The following GAS2 variants were observed in gnomAD, a reference collection of about 807,000 sequenced individuals.
The protein encoded by GAS2 is growth arrest-specific protein 2.
A neutral mutation model predicts 37.5 loss-of-function variants in GAS2; 20 were observed. That is an observed-to-expected ratio of 0.53 (90% CI 0.37 to 0.77). The LOEUF (loss-of-function observed/expected upper bound fraction) is 0.77. GAS2 is among the 30% of genes least tolerant of loss of function. The pLI is 0.00. For missense variants in GAS2, 336 were observed against 373.4 expected (o/e 0.90, Z 0.82); for synonymous variants, 144 against 132.2 (o/e 1.09, Z -0.61).
intron 7 of GAS2, among the ~76,000 whole-genome samples, chr11:22,785,375 T>A (rs1323559603): frequency 6.6e-6 from 1 of 152,156 alleles, no homozygotes; most frequent in Non-Finnish European, 1.5e-5. Context: ...TGTTGCATTG[T>A]CCTCATTGGA....
intron 7 of GAS2, among the ~76,000 whole-genome samples, chr11:22,798,070 C>T (rs1219564499): frequency 1.3e-5 from 2 of 152,000 alleles, no homozygotes; most frequent in African/African-American, 4.8e-5. Context: ...ATCTGAACTT[C>T]GTTGCTTCTT....
chr11:22,787,674 A>T (rs1855883793), intron 7 of GAS2, among the ~76,000 whole-genome samples: 1 of 152,226 alleles, frequency 6.6e-6, no homozygotes, highest in Admixed American at 6.5e-5. Context: ...GGGGAAAAAC[A>T]CGTTTGCTTC....
At chr11:22,758,134 T>C (rs1326115753) in intron 7 of GAS2, among the ~76,000 whole-genome samples, 2 of 152,144 alleles carry the variant, frequency 1.3e-5, no homozygotes, top group Non-Finnish European at 2.9e-5. Flanking sequence ...AAAAATCTCA[T>C]AGGTATTGAA....
chr11:22,727,337 T>G (rs1490191665), intron 4 of GAS2, among the ~76,000 whole-genome samples: 2 of 152,052 alleles, frequency 1.3e-5, no homozygotes, highest in Non-Finnish European at 2.9e-5. Flanking sequence ...ATAACAAATA[T>G]TAATATCAAA....
intron 3 of GAS2, among the ~76,000 whole-genome samples, chr11:22,708,766 C>A (rs1851254686): frequency 6.6e-6 from 1 of 152,076 alleles, no homozygotes; most frequent in Admixed American, 6.5e-5. Flanking sequence ...AGCCTACAGC[C>A]TAAAAGGAAA....
intron 3 of GAS2, among the ~76,000 whole-genome samples, chr11:22,701,855 GA>G (rs894886670): frequency 2.3e-4 from 35 of 152,040 alleles, no homozygotes; most frequent in African/African-American, 8.2e-4. Flanking sequence ...AAAAGTTGGG[GA>G]AAAAAATTAG....
At chr11:22,721,398 T>C (rs1301631417) in intron 3 of GAS2, among the ~76,000 whole-genome samples, 2 of 152,002 alleles carry the variant, frequency 1.3e-5, no homozygotes, top group African/African-American at 2.4e-5. Flanking sequence ...CTGCAGCATA[T>C]ATGTACAATT....
At chr11:22,727,813 C>T (rs1852286977) in intron 4 of GAS2, among the ~76,000 whole-genome samples, 1 of 151,840 alleles carries the variant, frequency 6.6e-6, no homozygotes, top group African/African-American at 2.4e-5. Context: ...ATTTACAGAT[C>T]AATTTTAACT....
At chr11:22,802,010 TA>T (rs199905124) in intron 7 of GAS2, among the ~76,000 whole-genome samples, 66 of 147,292 alleles carry the variant, frequency 4.5e-4, no homozygotes, top group East Asian at 1.6e-3. Flanking sequence ...AGAGAAAATA[TA>T]AAAAAAAAAG....
In GAS2 at chr11:22,675,015, G is replaced by A. The variant is rs1260838604; in HGVS notation, c.145+1G>A. The A allele has an allele frequency of 6.2e-7, 1 of 1,613,276 alleles. No homozygotes were observed. The highest frequency in any genetic ancestry group is 8.5e-7 in the Non-Finnish European group (1 of 1,179,592). Reference sequence around the variant, plus strand: ...GCCTTGTGGTTAACCAATCTATTAGGTAAGGTTATAAGATCTCATTTTGTG... The same window carrying A: ...GCCTTGTGGTTAACCAATCTATTAGATAAGGTTATAAGATCTCATTTTGTG... On this transcript the variant is annotated splice_donor_variant, in intron 2 of 7. Transcript: ENST00000454584. LOFTEE classifies it high-confidence loss of function.
At chr11:22,759,766 T>C (rs1253524432) in intron 7 of GAS2, among the ~76,000 whole-genome samples, 1 of 152,182 alleles carries the variant, frequency 6.6e-6, no homozygotes, top group Admixed American at 6.5e-5. Context: ...GAAATGTAAA[T>C]AGGTGGATCT....
chr11:22,709,014 C>T (rs2134069209), intron 3 of GAS2, among the ~76,000 whole-genome samples: 1 of 152,144 alleles, frequency 6.6e-6, no homozygotes, highest in African/African-American at 2.4e-5. Flanking sequence ...ACAGAGGGCC[C>T]ATGGTAGTAG....
chr11:22,645,812 A>G (rs754913138), intron 1 of GAS2, among the ~76,000 whole-genome samples: 2 of 150,096 alleles, frequency 1.3e-5, no homozygotes, highest in African/African-American at 2.4e-5. Context: ...TGCAAAAAGC[A>G]GTATTTGTTT....
intron 7 of GAS2, among the ~76,000 whole-genome samples, chr11:22,760,470 C>T (rs937641510): frequency 5.9e-5 from 9 of 152,244 alleles, no homozygotes; most frequent in African/African-American, 2.2e-4. Context: ...GTTTGAAAAT[C>T]ACTTTAAAAC....
chr11:22,765,943 C>T (rs374619449), intron 7 of GAS2, among the ~76,000 whole-genome samples: 56 of 152,242 alleles, frequency 3.7e-4, no homozygotes, highest in African/African-American at 1.2e-3. Flanking sequence ...GTACTTCACA[C>T]GGTGAAAGTA....
intron 1 of GAS2, among the ~76,000 whole-genome samples, chr11:22,643,734 C>T (rs1040108815): frequency 1.5e-4 from 22 of 151,522 alleles, no homozygotes; most frequent in African/African-American, 4.8e-4. Context: ...TCTGTTTTTA[C>T]CTTTGAATAA....
intron 3 of GAS2, among the ~76,000 whole-genome samples, chr11:22,700,062 C>T (rs754642735): frequency 2.4e-4 from 36 of 152,110 alleles, no homozygotes; most frequent in Non-Finnish European, 4.7e-4. Flanking sequence ...CTCTTTCTTA[C>T]GGTTTGTCCA....
chr11:22,759,886 T>C (rs568942166), intron 7 of GAS2, among the ~76,000 whole-genome samples: 12 of 152,298 alleles, frequency 7.9e-5, no homozygotes, highest in Middle Eastern at 3.4e-3. Flanking sequence ...CACTTGGCAA[T>C]TGAAATCCGA....
intron 2 of GAS2, among the ~76,000 whole-genome samples, chr11:22,678,957 A>G (rs528576858): frequency 1.3e-5 from 2 of 152,210 alleles, no homozygotes; most frequent in South Asian, 4.1e-4. Context: ...GCAAACTTTT[A>G]TGCTAGCTGA....
Sources: gnomAD v4.1 joint callset for allele counts (sites outside exome capture counted in the v4.1 genomes callset) on GRCh38, gnomAD v4.1.1 for gene constraint, MANE v1.5 for transcripts, NCBI Gene and HGNC (gene_info 2026-07-23, HGNC 2026-07-21) for gene names.